Variants in EPHB2 observed in about 807,000 individuals in gnomAD.
The protein encoded by EPHB2 is EPH receptor B2.
Under a neutral mutation model 96.4 loss-of-function variants are expected in EPHB2, and 18 were observed. The ratio of observed to expected loss-of-function variants is 0.19; its 90% confidence interval spans 0.13 to 0.28. The LOEUF is 0.28. Among genes scored for constraint, EPHB2 ranks in the 10% least tolerant of loss-of-function variants. EPHB2 has a pLI of 1.00. For synonymous variants in EPHB2, 506 were observed against 534.1 expected, an observed-to-expected ratio of 0.95 and a Z score of 0.72; for missense variants, 989 against 1,355.4, an observed-to-expected ratio of 0.73 and a Z score of 4.25.
chr1:22,871,739 C>T (rs1570417506), intron 5 of EPHB2, among the ~76,000 whole-genome samples: 1 of 152,136 alleles, frequency 6.6e-6, no homozygotes, highest in African/African-American at 2.4e-5. Flanking sequence ...TAGCGTGGGC[C>T]GGGTGCAGTG....
At chr1:22,757,842 G>GAC (rs1644174296) in intron 1 of EPHB2, among the ~76,000 whole-genome samples, 1 of 126,612 alleles carries the variant, frequency 7.9e-6, no homozygotes, top group East Asian at 2.4e-4. Flanking sequence ...CAGCCTGAGT[G>GAC]ACATAGTGAG....
intron 1 of EPHB2, among the ~76,000 whole-genome samples, chr1:22,746,003 C>G (rs1643969451): frequency 6.6e-6 from 1 of 152,172 alleles, no homozygotes; most frequent in Non-Finnish European, 1.5e-5. Flanking sequence ...TATATGCCAG[C>G]AAGGTTTGGT....
chr1:22,740,581 A>G (rs1445904213), intron 1 of EPHB2, among the ~76,000 whole-genome samples: 1 of 152,192 alleles, frequency 6.6e-6, no homozygotes, highest in African/African-American at 2.4e-5. Context: ...TCTGAGTGCC[A>G]TCTGGGGGAC....
chr1:22,785,220 C>A, intron 3 of EPHB2, 144 bp downstream of exon 3: 2 of 1,048,738 alleles, frequency 1.9e-6, no homozygotes, highest in Non-Finnish European at 2.7e-6. Context: ...AAACCAGCAA[C>A]CATCGTTCAG....
chr1:22,768,727 G>A (rs1644339310), intron 1 of EPHB2, among the ~76,000 whole-genome samples: 1 of 151,554 alleles, frequency 6.6e-6, no homozygotes, highest in Admixed American at 6.6e-5. Flanking sequence ...TGTGGTGTCT[G>A]GAGTTCTCTT....
rs972688243 is a variant in EPHB2 at position 22,710,892 on chromosome 1, C to T, written c.-91C>T. 1 of 146,178 alleles carries T rather than the reference C, an allele frequency of 6.8e-6. No individual in the cohort carries two copies. The highest frequency in any genetic ancestry group is 2.5e-5 in the African/African-American group (1 of 40,758). 9.1% of individuals were successfully genotyped at this position (146,178 alleles called of 1,614,324 possible). A position where few individuals can be genotyped will look rare whatever the true frequency, so the allele number is the denominator to read the frequency against. ...TGTGTGTGCGCCGCGCCTTGCCGCC[C>T]CCCCTGGCCCCCCGAGCCCGGGGCG... On this transcript the variant is annotated 5_prime_UTR_variant, in exon 1 of 16. Transcript: ENST00000374630.
chr1:22,819,554 G>A (rs924062669), intron 3 of EPHB2, among the ~76,000 whole-genome samples: 2 of 152,130 alleles, frequency 1.3e-5, no homozygotes, highest in Admixed American at 1.3e-4. Flanking sequence ...GGTCCCCAAG[G>A]GCACTCAACC....
chr1:22,898,691 T>A (rs1262768029), intron 9 of EPHB2, among the ~76,000 whole-genome samples: 1 of 151,806 alleles, frequency 6.6e-6, no homozygotes, highest in Non-Finnish European at 1.5e-5. Context: ...AGGAGACCAG[T>A]GGGGTGGCTG....
intron 1 of EPHB2, among the ~76,000 whole-genome samples, chr1:22,711,285 T>G (rs1057291808): frequency 2.0e-5 from 3 of 147,004 alleles, no homozygotes; most frequent in African/African-American, 7.4e-5. Flanking sequence ...TTGCCGAGGC[T>G]TTGTAGCCAG....
At chr1:22,880,033 G>A (rs1417071283) in intron 5 of EPHB2, among the ~76,000 whole-genome samples, 3 of 152,032 alleles carry the variant, frequency 2.0e-5, no homozygotes, top group South Asian at 2.1e-4. Flanking sequence ...CCAGGCCCAC[G>A]CTGGTCCCCA....
intron 9 of EPHB2, among the ~76,000 whole-genome samples, chr1:22,901,804 C>CGTGTGTGTGT (rs1162286889): frequency 4.6e-5 from 5 of 109,230 alleles, no homozygotes; most frequent in African/African-American, 1.5e-4. Context: ...CATTTAACTT[C>CGTGTGTGTGT]GTGTGTGTGT....
chr1:22,718,548 G>A (rs991393902), intron 1 of EPHB2, among the ~76,000 whole-genome samples: 1 of 151,722 alleles, frequency 6.6e-6, no homozygotes, highest in Admixed American at 6.6e-5. Flanking sequence ...CACCATGCCC[G>A]GCTAATTTTT....
In EPHB2 at chr1:22,781,441, A is replaced by G. The variant is rs780349936; in HGVS notation, c.82A>G (p.Thr28Ala). 1 of 1,614,044 alleles carries G rather than the reference A, an allele frequency of 6.2e-7. No homozygotes were observed. The highest frequency in any genetic ancestry group is 1.7e-4 in the Middle Eastern group (1 of 6,058). The change falls in exon 2 of 16, where the codon ACA becomes GCA. Residue 28 changes from threonine (T) to alanine (A), a missense_variant. Thr to Ala is a moderately conservative substitution (Grantham distance 58). Transcript: ENST00000374630. ...CACAGAAACGCTAATGGACTCCACT[A>G]CAGCGACTGCTGAGCTGGGCTGGAT... is the stretch of plus-strand genomic sequence containing the variant. ...AVEETLMDST[T>A]ATAELGWMVH...
intron 1 of EPHB2, among the ~76,000 whole-genome samples, chr1:22,777,018 G>A (rs763722254): frequency 3.3e-5 from 5 of 152,220 alleles, no homozygotes; most frequent in Admixed American, 6.5e-5. Flanking sequence ...CAAGTGCCGG[G>A]ATATCTCGAA....
rs1284771787 is a variant in EPHB2 at position 22,846,181 on chromosome 1, G to C, written c.812-16856G>C. 6.6e-6 allele frequency among the ~76,000 whole-genome samples: 1 copy of C among 152,160 alleles called. No individual in the cohort carries two copies. The highest frequency in any genetic ancestry group is 1.9e-4 in the East Asian group (1 of 5,178). On this transcript the variant is annotated intron_variant, in intron 3 of 15. Coordinates refer to ENST00000374630, the MANE Select transcript of EPHB2 (RefSeq NM_017449.5). The surrounding 1 kb of genome is among the most constrained non-coding windows in gnomAD (Gnocchi z 4.3). ...CACCTGTAATCCTAGCAATTTGGGAGCCTGTGGCAGGCGGATCTCTTGGGT... is the reference window on the plus strand; with the variant it reads ...CACCTGTAATCCTAGCAATTTGGGACCCTGTGGCAGGCGGATCTCTTGGGT...
intron 3 of EPHB2, chr1:22,836,719 C>G (rs1645391023): frequency 6.5e-6 from 1 of 152,810 alleles, no homozygotes; most frequent in Admixed American, 6.5e-5. Flanking sequence ...CGCAGTGACC[C>G]CTGGCCTTTT....
chr1:22,785,572 C>T (rs550474881), intron 3 of EPHB2, among the ~76,000 whole-genome samples: 2 of 152,360 alleles, frequency 1.3e-5, no homozygotes, highest in African/African-American at 2.4e-5. Flanking sequence ...CAGCTTGGGA[C>T]TCCTCCCTCT....
At position 22,883,622 on chromosome 1, in the gene EPHB2, A is replaced by G. The variant is rs369665814; in HGVS notation, c.1428+1139A>G. ...CCCTGAAGGCTGAGAGGAAGAGTGC[A>G]GTCAATTGCAGCCAGTCCTGCTGGA... On this transcript the variant is annotated intron_variant, in intron 6 of 15. Coordinates refer to ENST00000374630, the MANE Select transcript of EPHB2 (RefSeq NM_017449.5). Among the ~76,000 whole-genome samples the G allele has an allele frequency of 7.9e-5, 12 of 152,344 alleles. No individual in the cohort carries two copies. In the East Asian group the frequency reaches 2.1e-3, roughly 27 times the overall value.
rs1208555401 is a variant in EPHB2 at position 22,906,075 on chromosome 1, C to A, written c.1854C>A (p.Ile618=). Reference sequence around the variant, plus strand: ...GGGAGTTTGCCAAGGAAATTGACATCTCCTGTGTCAAAATTGAGCAGGTGA... The same window carrying A: ...GGGAGTTTGCCAAGGAAATTGACATATCCTGTGTCAAAATTGAGCAGGTGA... The part of the protein sequence containing the change: ...AVREFAKEID[I]SCVKIEQVIG... The change falls in exon 10 of 16, where the codon ATC becomes ATA. Residue 618 remains isoleucine (I), a synonymous_variant. Coordinates refer to ENST00000374630, the MANE Select transcript of EPHB2 (RefSeq NM_017449.5). The surrounding 1 kb of genome is among the most constrained non-coding windows in gnomAD (Gnocchi z 4.8). The A allele has an allele frequency of 1.2e-6, 2 of 1,614,106 alleles. No individual in the cohort carries two copies. Among genetic ancestry groups the A allele is most frequent in the African/African-American group, 1.3e-5 (1 of 74,922 alleles).
Sources: gnomAD v4.1 joint callset for allele counts (sites outside exome capture counted in the v4.1 genomes callset) on GRCh38, gnomAD v4.1.1 for gene constraint, Gnocchi (gnomAD v3.1) non-coding constraint, MANE v1.5 for transcripts, NCBI Gene and HGNC (gene_info 2026-07-23, HGNC 2026-07-21) for gene names.